GAS2L3: variants seen among roughly 807,000 people sequenced by gnomAD.
GAS2L3 encodes GAS2-like protein 3.
GAS2L3 carries 28 observed loss-of-function variants against 37.0 expected under a neutral mutation model. The ratio of observed to expected loss-of-function variants is 0.76; its 90% confidence interval spans 0.56 to 1.04. GAS2L3 has a LOEUF of 1.04. GAS2L3 is among the 50% of genes least tolerant of loss of function. The pLI is 0.00. For missense variants in GAS2L3, 793 were observed against 817.6 expected (o/e 0.97, Z 0.37); for synonymous variants, 290 against 296.6 (o/e 0.98, Z 0.23).
In GAS2L3 at chr12:100,624,277, C is replaced by A; in HGVS notation, c.1472C>A (p.Ala491Glu). The change falls in exon 10 of 10, where the codon GCA becomes GAA. Residue 491 changes from alanine to glutamate, a missense_variant. Coordinates refer to ENST00000547754, the MANE Select transcript of GAS2L3 (RefSeq NM_174942.3). ...GATAATGCAGTATCTCACTTAGCTG[C>A]ACATTCAAATTCATCCTCAAAATGT... ...SRDNAVSHLA[A>E]HSNSSSKCPK... 1 of 1,613,998 alleles carries A rather than the reference C, an allele frequency of 6.2e-7. No individual in the cohort carries two copies. Among genetic ancestry groups the A allele is most frequent in the South Asian group, 1.1e-5 (1 of 91,072 alleles).
At chr12:100,584,945 G>A (rs564732234) in intron 1 of GAS2L3, among the ~76,000 whole-genome samples, 1 of 135,638 alleles carries the variant, frequency 7.4e-6, no homozygotes, top group East Asian at 2.3e-4. Context: ...CTGGAGTGCT[G>A]TGGCGCAATC....
At chr12:100,601,103 A>C (rs185151260) in intron 4 of GAS2L3, among the ~76,000 whole-genome samples, 2 of 152,158 alleles carry the variant, frequency 1.3e-5, no homozygotes, top group Non-Finnish European at 2.9e-5. Flanking sequence ...TTTTATGTAG[A>C]ATTCTAAAGT....
Position 100,618,749 on chromosome 12 carries a change from A to G in GAS2L3, c.648+162A>G, listed in dbSNP as rs1019273630. On this transcript the variant is annotated intron_variant, in intron 8 of 9. Transcript: ENST00000547754. ...CATTCTCTGATGAATTCAGGGCATT[A>G]TATTTTAAAGGTGATTTGTTATTGC... 130 of 578,746 alleles carry G rather than the reference A, an allele frequency of 2.2e-4. 1 individual carries two copies. Among genetic ancestry groups the G allele is most frequent in the South Asian group, 1.9e-4 (6 of 30,796 alleles). 35.9% of individuals were successfully genotyped at this position (578,746 alleles called of 1,614,324 possible).
chr12:100,586,708 G>A (rs1292112125), intron 1 of GAS2L3, among the ~76,000 whole-genome samples: 1 of 152,012 alleles, frequency 6.6e-6, no homozygotes, highest in Non-Finnish European at 1.5e-5. Context: ...CCCAAACCCA[G>A]CAGAAGGAAA....
chr12:100,599,938 T>G (rs1334710548), intron 3 of GAS2L3, among the ~76,000 whole-genome samples: 6 of 152,236 alleles, frequency 3.9e-5, no homozygotes, highest in Non-Finnish European at 4.4e-5. Context: ...TGAAAATGTC[T>G]TGGCTGGGCA....
chr12:100,578,872 C>T (rs1955671444), intron 1 of GAS2L3: 3 of 772,586 alleles, frequency 3.9e-6, no homozygotes, highest in South Asian at 2.8e-5. Context: ...ACTTTTTCTA[C>T]CCAAATATGG....
At position 100,622,387 on chromosome 12, in the gene GAS2L3, G is replaced by T; in HGVS notation, c.756+5G>T. 22 of 1,320,614 alleles carry T rather than the reference G, an allele frequency of 1.7e-5. No individual in the cohort carries two copies. Among genetic ancestry groups the T allele is most frequent in the Non-Finnish European group, 2.3e-5 (21 of 921,418 alleles). The allele number at this position is 1,320,614 out of a possible 1,614,324, so 81.8% of individuals were successfully genotyped here. ...GATAAAATACTCTTTATAAGAGTAA[G>T]TCCATTATTTACACTTTATTTACAC... On this transcript the variant is annotated splice_donor_5th_base_variant and intron_variant, in intron 9 of 9. Transcript: ENST00000547754.
At chr12:100,601,073 A>G (rs1022813155) in intron 4 of GAS2L3, among the ~76,000 whole-genome samples, 4 of 152,094 alleles carry the variant, frequency 2.6e-5, no homozygotes, top group Non-Finnish European at 5.9e-5. Flanking sequence ...TTCTCCCCAG[A>G]AAAATTTTAC....
chr12:100,587,890 A>G (rs899422720), intron 1 of GAS2L3, among the ~76,000 whole-genome samples: 13 of 152,058 alleles, frequency 8.5e-5, no homozygotes, highest in African/African-American at 2.9e-4. Context: ...GTCTCTACTA[A>G]AAATACAAAA....
At chr12:100,610,106 C>A (rs139607695) in intron 5 of GAS2L3, among the ~76,000 whole-genome samples, 1 of 152,118 alleles carries the variant, frequency 6.6e-6, no homozygotes, top group African/African-American at 2.4e-5. Flanking sequence ...GGTTTGTATG[C>A]GGCTATCTCG....
At chr12:100,602,569 T>C (rs1956005090) in intron 5 of GAS2L3, among the ~76,000 whole-genome samples, 1 of 152,026 alleles carries the variant, frequency 6.6e-6, no homozygotes, top group South Asian at 2.1e-4. Flanking sequence ...GATACAGGCA[T>C]GCAATAAGTA....
At chr12:100,620,274 C>T (rs1437903046) in intron 8 of GAS2L3, among the ~76,000 whole-genome samples, 1 of 151,528 alleles carries the variant, frequency 6.6e-6, no homozygotes, top group Non-Finnish European at 1.5e-5. Context: ...AATGTAGCAA[C>T]AAGAAAAATG....
intron 1 of GAS2L3, among the ~76,000 whole-genome samples, chr12:100,583,785 G>C (rs73155642): frequency 0.093 from 14,123 of 152,034 alleles, 747 homozygotes; most frequent in Middle Eastern, 0.16. Flanking sequence ...TTTTTTCCTA[G>C]TAATTCCTCT....
chr12:100,603,860 T>C (rs1447000245), intron 5 of GAS2L3, among the ~76,000 whole-genome samples: 3 of 152,142 alleles, frequency 2.0e-5, no homozygotes, highest in Admixed American at 6.5e-5. Context: ...ATACCCAGTT[T>C]TCCCAGCAGA....
chr12:100,600,679 C>T (rs1955976990), intron 4 of GAS2L3, 129 bp downstream of exon 4: 1 of 761,152 alleles, frequency 1.3e-6, no homozygotes, highest in African/African-American at 1.8e-5. Flanking sequence ...ATATTCAGTG[C>T]CCTTGGTCTC....
Position 100,623,437 on chromosome 12 carries a change from T to C in GAS2L3, c.757-125T>C, listed in dbSNP as rs898431679. ...CAAGAAACAAACTGTCAATTTGTAG[T>C]GAGGCTGTTGGCAAATGCTCTGAAT... On this transcript the variant is annotated intron_variant, in intron 9 of 9. Transcript: ENST00000547754. The C allele has an allele frequency of 2.9e-5, 21 of 714,218 alleles. No homozygotes were observed. The African/African-American group carries it at 3.0e-4, about 10-fold the overall frequency. The allele number at this position is 714,218 out of a possible 1,614,324, so 44.2% of individuals were successfully genotyped here. A position where few individuals can be genotyped will look rare whatever the true frequency, so the allele number is the denominator to read the frequency against.
intron 1 of GAS2L3, among the ~76,000 whole-genome samples, chr12:100,574,799 C>A (rs1188381333): frequency 6.6e-6 from 1 of 152,168 alleles, no homozygotes; most frequent in Non-Finnish European, 1.5e-5. Flanking sequence ...GAAATTCTCA[C>A]CACCTCAGAT....
intron 1 of GAS2L3, among the ~76,000 whole-genome samples, chr12:100,586,882 A>G (rs952414518): frequency 6.6e-6 from 1 of 152,206 alleles, no homozygotes; most frequent in African/African-American, 2.4e-5. Context: ...ACTAAGAAAC[A>G]AAACAGGAGA....
At chr12:100,608,727 G>C (rs1178955336) in intron 5 of GAS2L3, among the ~76,000 whole-genome samples, 1 of 152,060 alleles carries the variant, frequency 6.6e-6, no homozygotes, top group Non-Finnish European at 1.5e-5. Context: ...GTTTCACCAT[G>C]GTCTTGATCT....
Sources: allele counts gnomAD v4.1 joint callset (sites outside exome capture counted in the v4.1 genomes callset), GRCh38; gene constraint gnomAD v4.1.1; transcripts MANE v1.5; gene names NCBI Gene and HGNC (gene_info 2026-07-23, HGNC 2026-07-21).